The following PTPRQ variants were observed in gnomAD, a reference collection of about 807,000 sequenced individuals.
PTPRQ encodes phosphatidylinositol phosphatase PTPRQ.
PTPRQ carries 199 observed loss-of-function variants against 246.0 expected under a neutral mutation model. The ratio of observed to expected loss-of-function variants is 0.81; its 90% confidence interval spans 0.72 to 0.91. The LOEUF is 0.91. PTPRQ is among the 40% of genes least tolerant of loss of function. The pLI is 0.00. For missense variants in PTPRQ, 2,624 were observed against 2,528.4 expected (o/e 1.04, Z -0.81); for synonymous variants, 869 against 853.2 (o/e 1.02, Z -0.32).
chr12:80,446,023 T>A (rs957233192), intron 3 of PTPRQ, among the ~76,000 whole-genome samples: 1 of 151,840 alleles, frequency 6.6e-6, no homozygotes, highest in Admixed American at 6.6e-5. Flanking sequence ...TTATGTAAAG[T>A]TAAAGAAGGA....
chr12:80,634,381 A>G (rs941188179), intron 34 of PTPRQ, among the ~76,000 whole-genome samples: 1 of 152,218 alleles, frequency 6.6e-6, no homozygotes, highest in Non-Finnish European at 1.5e-5. Context: ...TCTCAGATTC[A>G]TGTGGCTTTT....
Position 80,539,792 on chromosome 12 carries a change from A to G in PTPRQ, c.3002A>G (p.Glu1001Gly), listed in dbSNP as rs773344026. ...ATTTTTCAGAATTTTACACTCCATG[A>G]AGTAACCAATGACTTTGACAATATG... ...GTFMQNFTLH[E>G]VTNDFDNMTV... Residue 1001 changes from glutamate to glycine, a missense_variant, in exon 20 of 45, where the codon GAA (glutamate) becomes GGA (glycine). Glu to Gly is a moderately conservative substitution (Grantham distance 98, BLOSUM62 -2). Coordinates refer to ENST00000644991, the MANE Select transcript of PTPRQ (RefSeq NM_001145026.2). The G allele has an allele frequency of 6.5e-7, 1 of 1,544,950 alleles. No homozygotes were observed. The highest frequency in any genetic ancestry group is 1.2e-5 in the South Asian group (1 of 82,626).
At chr12:80,479,157 A>C (rs927583041) in intron 8 of PTPRQ, among the ~76,000 whole-genome samples, 14 of 151,966 alleles carry the variant, frequency 9.2e-5, no homozygotes, top group Non-Finnish European at 1.9e-4. Context: ...AGGGAAGCCC[A>C]TCAGACTAAC....
At chr12:80,543,073 T>G (rs1002512779) in intron 23 of PTPRQ, among the ~76,000 whole-genome samples, 192 bp downstream of exon 23, 1 of 152,110 alleles carries the variant, frequency 6.6e-6, no homozygotes, top group African/African-American at 2.4e-5. Flanking sequence ...AGCTGAATAC[T>G]TCATAGAGCA....
chr12:80,483,743 C>A (rs1168335127), intron 8 of PTPRQ, among the ~76,000 whole-genome samples: 1 of 151,722 alleles, frequency 6.6e-6, no homozygotes, highest in Non-Finnish European at 1.5e-5. Flanking sequence ...TAGCCCCCCA[C>A]CCACCGACAG....
Position 80,608,912 on chromosome 12 carries a change from A to G in PTPRQ, c.4732-1527A>G, listed in dbSNP as rs1283541858. Reference sequence around the variant, plus strand: ...ATTAAGCCTAGTCTTAAGGAAAATTACAAAAAGCATATTTTTATGTGATAT... The same window carrying G: ...ATTAAGCCTAGTCTTAAGGAAAATTGCAAAAAGCATATTTTTATGTGATAT... On this transcript the variant is annotated intron_variant, in intron 27 of 44. Transcript: ENST00000644991. Among the ~76,000 whole-genome samples the G allele has an allele frequency of 4.0e-5, 6 of 150,686 alleles. No homozygotes were observed. The South Asian group carries it at 6.2e-4, about 16-fold the overall frequency.
At chr12:80,592,914 GGGA>G (rs1318465689) in intron 26 of PTPRQ, among the ~76,000 whole-genome samples, 1 of 152,124 alleles carries the variant, frequency 6.6e-6, no homozygotes, top group African/African-American at 2.4e-5. Context: ...GGGAGGCTGA[GGGA>G]GGAGAATTGC....
At chr12:80,673,065 A>G (rs1425643483) in intron 42 of PTPRQ, 104 bp from the exon 43 acceptor site, 2 of 1,432,780 alleles carry the variant, frequency 1.4e-6, no homozygotes, top group Admixed American at 5.7e-5. Flanking sequence ...AAATAAGAGA[A>G]GAAACTATTA....
chr12:80,542,955 G>T, intron 23 of PTPRQ, 74 bp downstream of exon 23: 3 of 1,013,798 alleles, frequency 3.0e-6, no homozygotes, highest in Non-Finnish European at 1.4e-6. Flanking sequence ...ACATATAGGA[G>T]GAAAATGGAC....
intron 39 of PTPRQ, among the ~76,000 whole-genome samples, chr12:80,663,688 G>C (rs1305807027): frequency 1.3e-5 from 2 of 151,686 alleles, no homozygotes; most frequent in Non-Finnish European, 2.9e-5. Flanking sequence ...CCATAGCCCT[G>C]CTCATCACTT....
rs183258549 is a variant in PTPRQ, at chr12:80,460,829, T to A, written c.837T>A (p.Tyr279Ter). ...CACACTTGAGACCTTATACAACATA[T>A]CTTTTTGAAGTTTCAGCTGCTACAA... ...VVTHLRPYTT[Y>*]LFEVSAATTE... The change falls in exon 6 of 45, where the codon TAT becomes TAA. Residue 279 changes from tyrosine (Y) to a stop codon, truncating the protein, a stop_gained. Transcript: ENST00000644991. LOFTEE classifies it high-confidence loss of function. The A allele has an allele frequency of 5.0e-6, 2 of 400,682 alleles. No individual in the cohort carries two copies. Among genetic ancestry groups the A allele is most frequent in the Non-Finnish European group, 8.8e-6 (2 of 226,212 alleles). The allele number at this position is 400,682 out of a possible 1,614,324, so 24.8% of individuals were successfully genotyped here.
chr12:80,472,060 A>C (rs1201691977), intron 7 of PTPRQ, 45 bp from the exon 8 acceptor site: 13 of 1,549,150 alleles, frequency 8.4e-6, no homozygotes, highest in Admixed American at 5.9e-5. Flanking sequence ...ACATGATTGC[A>C]CGCTTGATAA....
At chr12:80,577,339 A>T (rs564390116) in intron 25 of PTPRQ, among the ~76,000 whole-genome samples, 12 of 152,072 alleles carry the variant, frequency 7.9e-5, no homozygotes, top group Non-Finnish European at 1.6e-4. Context: ...AGCAGCAAGG[A>T]AAAGTATGAG....
rs1167747407 is a variant in PTPRQ at position 80,493,398 on chromosome 12, C to T, written c.1483C>T (p.His495Tyr). 1 of 1,550,124 alleles carries T rather than the reference C, an allele frequency of 6.5e-7. No homozygotes were observed. Residue 495 changes from histidine to tyrosine, a missense_variant, in exon 10 of 45, where the codon CAT becomes TAT. His to Tyr is a moderately conservative substitution (Grantham distance 83). Transcript: ENST00000644991. ...HSLATFIYNSHPDKNFPARNR... is the reference protein window; with the variant it reads ...HSLATFIYNSYPDKNFPARNR... ...ACTTGCTACATTTATATATAACAGC[C>T]ATCCAGATAAAAACTTTCCTGCAAG...
chr12:80,599,078 T>TG (rs1898059496), intron 26 of PTPRQ, among the ~76,000 whole-genome samples: 1 of 151,934 alleles, frequency 6.6e-6, no homozygotes, highest in Non-Finnish European at 1.5e-5. Context: ...GGCAAAATGA[T>TG]GGTCTATCCA....
At chr12:80,599,143 T>C (rs1446186693) in intron 26 of PTPRQ, among the ~76,000 whole-genome samples, 1 of 151,872 alleles carries the variant, frequency 6.6e-6, no homozygotes, top group Admixed American at 6.6e-5. Context: ...ATGGGAAAGA[T>C]GACCCTGACC....
intron 25 of PTPRQ, among the ~76,000 whole-genome samples, chr12:80,557,363 T>C (rs946171990): frequency 3.2e-4 from 48 of 151,996 alleles, no homozygotes; most frequent in African/African-American, 1.1e-3. Context: ...TGTACCATTA[T>C]CTGTGGGTCT....
At chr12:80,555,288 G>T (rs1896612768) in intron 25 of PTPRQ, among the ~76,000 whole-genome samples, 1 of 152,240 alleles carries the variant, frequency 6.6e-6, no homozygotes, top group East Asian at 1.9e-4. Context: ...TCAAACTCCT[G>T]GTTCAAGCAA....
chr12:80,579,239 T>C (rs1221126473), intron 25 of PTPRQ, among the ~76,000 whole-genome samples: 1 of 152,184 alleles, frequency 6.6e-6, no homozygotes, highest in Non-Finnish European at 1.5e-5. Context: ...TGTCTGTTGT[T>C]TCTCTGTCAC....
Sources: allele counts gnomAD v4.1 joint callset (sites outside exome capture counted in the v4.1 genomes callset), GRCh38; gene constraint gnomAD v4.1.1; transcripts MANE v1.5; gene names NCBI Gene and HGNC (gene_info 2026-07-23, HGNC 2026-07-21).